LYSMD2: variants seen among roughly 807,000 people sequenced by gnomAD.
LYSMD2 encodes lysM and putative peptidoglycan-binding domain-containing protein 2.
Under a neutral mutation model 17.7 loss-of-function variants are expected in LYSMD2, and 6 were observed. The ratio of observed to expected loss-of-function variants is 0.34; its 90% CI spans 0.19 to 0.67. LYSMD2 has a LOEUF of 0.67. LYSMD2 is among the 30% of genes least tolerant of loss of function. The probability of loss-of-function intolerance (pLI) is 0.69; values close to 1 mark genes in which losing one functional copy is unlikely to be tolerated. For missense variants in LYSMD2, 237 were observed against 286.7 expected (o/e 0.83, Z 1.25); for synonymous variants, 102 against 129.8 (o/e 0.79, Z 1.45).
chr15:51,724,299 C>A (rs1462733354), intron 2 of LYSMD2, among the ~76,000 whole-genome samples: 1 of 152,092 alleles, frequency 6.6e-6, no homozygotes, highest in African/African-American at 2.4e-5. Context: ...AGGAAACACC[C>A]AGTAACAAAT....
At chr15:51,732,348 G>C (rs1016622985) in intron 1 of LYSMD2, among the ~76,000 whole-genome samples, 6 of 152,274 alleles carry the variant, frequency 3.9e-5, no homozygotes, top group Admixed American at 3.9e-4. Flanking sequence ...GCTAGCCACA[G>C]AAGATACAAA....
chr15:51,744,997 AC>A (rs2055660297), intron 1 of LYSMD2, among the ~76,000 whole-genome samples: 1 of 152,170 alleles, frequency 6.6e-6, no homozygotes. Flanking sequence ...CTGTGTGACA[AC>A]AAATTAGATA....
At chr15:51,723,742 G>T in intron 2 of LYSMD2, 93 bp from the exon 3 acceptor site, 2 of 906,544 alleles carry the variant, frequency 2.2e-6, no homozygotes, top group Non-Finnish European at 3.3e-6. Flanking sequence ...ACTTGCCAAA[G>T]AAGGAATATA....
At chr15:51,728,396 A>ACACAC (rs369560739) in intron 1 of LYSMD2, among the ~76,000 whole-genome samples, 1 of 144,832 alleles carries the variant, frequency 6.9e-6, no homozygotes, top group Non-Finnish European at 1.5e-5. Context: ...TCCAGGAGAA[A>ACACAC]ACACACACAC....
upstream of LYSMD2, among the ~76,000 whole-genome samples, chr15:51,741,744 AC>A (rs1264655230): frequency 6.6e-6 from 1 of 151,898 alleles, no homozygotes; most frequent in African/African-American, 2.4e-5. Flanking sequence ...ACATGGCGAA[AC>A]CCCATTTCTA....
At chr15:51,735,071 G>A (rs1247427151) in intron 1 of LYSMD2, among the ~76,000 whole-genome samples, 2 of 152,114 alleles carry the variant, frequency 1.3e-5, no homozygotes, top group Non-Finnish European at 2.9e-5. Flanking sequence ...CTCCTCAGGA[G>A]GCCGAGGTGG....
At chr15:51,749,906 T>C (rs1445168757) in intron 1 of LYSMD2, among the ~76,000 whole-genome samples, 1 of 152,252 alleles carries the variant, frequency 6.6e-6, no homozygotes, top group Non-Finnish European at 1.5e-5. Flanking sequence ...AGATTTGTCA[T>C]TCTGACAGGA....
chr15:51,729,134 C>CGGAA (rs1192956085), intron 1 of LYSMD2, among the ~76,000 whole-genome samples: 1 of 152,224 alleles, frequency 6.6e-6, no homozygotes, highest in Non-Finnish European at 1.5e-5. Flanking sequence ...AAAAGCATTC[C>CGGAA]ATCTAGAAAA....
chr15:51,745,697 G>A lies in LYSMD2; in HGVS notation c.-1+5574C>T, dbSNP rs1056718308. Among the ~76,000 whole-genome samples, 143 of 151,918 alleles carry A rather than the reference G, an allele frequency of 9.4e-4. 1 individual carries two copies. The highest frequency in any genetic ancestry group is 3.3e-3 in the African/African-American group (135 of 41,430). ...CAATGGGAGAAAACATTTGCAAATC[G>A]CATATCTAATAAGGCACTTGTGTCT... On this transcript the variant is annotated intron_variant, in intron 1 of 2. Coordinates refer to the LYSMD2 transcript ENST00000454181.
At chr15:51,747,929 G>A (rs1185492452) in intron 1 of LYSMD2, among the ~76,000 whole-genome samples, 1 of 152,230 alleles carries the variant, frequency 6.6e-6, no homozygotes, top group Admixed American at 6.5e-5. Flanking sequence ...AATTATCTCA[G>A]TTAGTCTTTC....
At chr15:51,747,204 C>CCAACAA (rs373911081) in intron 1 of LYSMD2, among the ~76,000 whole-genome samples, 1 of 139,402 alleles carries the variant, frequency 7.2e-6, no homozygotes, top group East Asian at 2.2e-4. Context: ...TGTCTCAAAA[C>CCAACAA]CAACAACAAC....
intron 1 of LYSMD2, among the ~76,000 whole-genome samples, chr15:51,734,586 C>A (rs2055597062): frequency 6.6e-6 from 1 of 152,200 alleles, no homozygotes; most frequent in Admixed American, 6.5e-5. Flanking sequence ...CATGGAGAGA[C>A]AGGCTTTCCT....
upstream of LYSMD2, among the ~76,000 whole-genome samples, chr15:51,740,342 T>C (rs888577188): frequency 1.3e-5 from 2 of 152,210 alleles, no homozygotes; most frequent in Admixed American, 1.3e-4. Flanking sequence ...TTTTCCTTCT[T>C]AAACCAGAAC....
intron 1 of LYSMD2, among the ~76,000 whole-genome samples, chr15:51,749,446 T>C (rs2055685486): frequency 6.6e-6 from 1 of 152,232 alleles, no homozygotes; most frequent in African/African-American, 2.4e-5. Flanking sequence ...GGATAGCTCT[T>C]GTATCTCTGC....
chr15:51,737,852 G>A, upstream of LYSMD2: 1 of 306,238 alleles, frequency 3.3e-6, no homozygotes. The surrounding 1 kb of genome is among the most constrained non-coding windows in gnomAD (Gnocchi z 4.2). Context: ...GCAAGGTTAA[G>A]AGCGAAAGCA....
chr15:51,748,309 A>AG (rs1433166586), intron 1 of LYSMD2, among the ~76,000 whole-genome samples: 1 of 113,822 alleles, frequency 8.8e-6, no homozygotes, highest in East Asian at 2.5e-4. Flanking sequence ...ATGAGGCTTA[A>AG]GGGAGGTTAC....
At chr15:51,736,911 A>G (rs1321042426) in intron 1 of LYSMD2, among the ~76,000 whole-genome samples, 1 of 152,236 alleles carries the variant, frequency 6.6e-6, no homozygotes, top group African/African-American at 2.4e-5. Flanking sequence ...CTCATCACGG[A>G]GCTTGTTTTC....
intron 1 of LYSMD2, among the ~76,000 whole-genome samples, chr15:51,732,213 C>A (rs1157916568): frequency 6.6e-6 from 1 of 152,134 alleles, no homozygotes; most frequent in Non-Finnish European, 1.5e-5. Context: ...TTCACTCAGC[C>A]CCTGCCCTGG....
At chr15:51,724,318 A>G (rs2055522245) in intron 2 of LYSMD2, among the ~76,000 whole-genome samples, 1 of 152,160 alleles carries the variant, frequency 6.6e-6, no homozygotes, top group Non-Finnish European at 1.5e-5. Flanking sequence ...ATAACAGACA[A>G]TGTCTTTGAC....
Sources: gnomAD v4.1 joint callset for allele counts (sites outside exome capture counted in the v4.1 genomes callset) on GRCh38, gnomAD v4.1.1 for gene constraint, Gnocchi (gnomAD v3.1) non-coding constraint, MANE v1.5 for transcripts, NCBI Gene and HGNC (gene_info 2026-07-23, HGNC 2026-07-21) for gene names.